The following SEPTIN2 variants were observed in gnomAD, a reference collection of about 807,000 sequenced individuals.
SEPTIN2 encodes septin-2.
SEPTIN2 carries 34 observed loss-of-function variants against 46.5 expected under a neutral mutation model. The observed-to-expected ratio is 0.73, with a 90% CI of 0.56 to 0.97. The LOEUF (loss-of-function observed/expected upper bound fraction) is 0.97, where lower values mean the gene tolerates loss of function less well. Among genes scored for constraint, SEPTIN2 ranks in the 50% least tolerant of loss-of-function variants. The pLI, the probability that SEPTIN2 is intolerant of heterozygous loss-of-function variation, is 0.00. For synonymous variants in SEPTIN2, 175 were observed against 153.4 expected (o/e 1.14, Z -1.04); for missense variants, 347 against 448.4 (o/e 0.77, Z 2.04).
At chr2:241,343,178 T>C in intron 8 of SEPTIN2, 85 bp downstream of exon 8, 1 of 789,896 alleles carries the variant, frequency 1.3e-6, no homozygotes. Context: ...CCTGGGTATG[T>C]TCAGTTACGA....
chr2:241,337,348 C>T (rs983599436), intron 5 of SEPTIN2, 34 bp from the exon 6 acceptor site: 9 of 1,600,168 alleles, frequency 5.6e-6, no homozygotes, highest in Middle Eastern at 1.7e-4. Flanking sequence ...GTTTTATACC[C>T]TATGATTATT....
chr2:241,318,422 C>A (rs533596195), intron 1 of SEPTIN2: 2 of 152,244 alleles, frequency 1.3e-5, no homozygotes, highest in African/African-American at 4.8e-5. Flanking sequence ...TTTATCCAAT[C>A]CTTTAAGAAA....
chr2:241,335,137 C>A lies in SEPTIN2; in HGVS notation c.142C>A (p.Leu48Ile). The A allele has an allele frequency of 6.2e-7, 1 of 1,610,714 alleles. No homozygotes were observed. The highest frequency in any genetic ancestry group is 8.5e-7 in the Non-Finnish European group (1 of 1,177,162). Residue 48 changes from leucine (L) to isoleucine (I), a missense_variant, in exon 4 of 13, where the codon CTA (leucine) becomes ATA (isoleucine). By Grantham distance (5) the Leu-to-Ile change is conservative. Coordinates refer to ENST00000391971, the MANE Select transcript of SEPTIN2 (RefSeq NM_004404.5). ...FTLMVVGESG[L>I]GKSTLINSLF... ...CTTTTTATTTAAAGGTGAATCAGGT[C>A]TAGGAAAATCGACTCTCATAAACAG... is the stretch of plus-strand genomic sequence containing the variant.
intron 2 of SEPTIN2, among the ~76,000 whole-genome samples, chr2:241,325,537 T>C (rs1282138185): frequency 6.6e-6 from 1 of 152,182 alleles, no homozygotes; most frequent in Admixed American, 6.5e-5. Context: ...AGAAATGCAT[T>C]GCACCTAATA....
intron 7 of SEPTIN2, among the ~76,000 whole-genome samples, chr2:241,342,624 C>T (rs1351490094): frequency 6.7e-6 from 1 of 149,722 alleles, no homozygotes; most frequent in Non-Finnish European, 1.5e-5. Flanking sequence ...CAAGCTCCGC[C>T]TCCCGGGTTC....
At chr2:241,330,229 A>G (rs2078771951) in intron 3 of SEPTIN2, among the ~76,000 whole-genome samples, 1 of 152,220 alleles carries the variant, frequency 6.6e-6, no homozygotes, top group African/African-American at 2.4e-5. Flanking sequence ...TCACCATGCC[A>G]TACAGCATGA....
intron 1 of SEPTIN2, chr2:241,317,572 C>T (rs950863606): frequency 4.1e-6 from 4 of 981,332 alleles, no homozygotes; most frequent in Admixed American, 1.3e-4. Flanking sequence ...AATGGGGACA[C>T]CAAAACTCAT....
At chr2:241,325,876 CT>C (rs1419382809) in intron 2 of SEPTIN2, 116 bp from the exon 3 acceptor site, 45 of 959,996 alleles carry the variant, frequency 4.7e-5, no homozygotes, top group Non-Finnish European at 6.1e-5. Flanking sequence ...AGTGTTTATA[CT>C]TTTTAAAAAA....
chr2:241,316,217 G>T (rs974415790), intron 1 of SEPTIN2: 2 of 338,624 alleles, frequency 5.9e-6, no homozygotes, highest in Non-Finnish European at 1.1e-5. Flanking sequence ...GGCAGGCCCG[G>T]GCGCGGGAGT....
chr2:241,335,342 CTT>C lies in SEPTIN2; in HGVS notation c.217+133_217+134del, dbSNP rs763776288. On this transcript the variant is annotated intron_variant, in intron 4 of 12. Transcript: ENST00000391971. ...TTCAGCTTTGAACACAAGGAAAACACTTTTATGGGGTAGGTGTGCTGCACCGA... is the reference window on the plus strand; with the variant it reads ...TTCAGCTTTGAACACAAGGAAAACACTTATGGGGTAGGTGTGCTGCACCGA... The C allele has an allele frequency of 1.2e-5, 18 of 1,553,040 alleles. No homozygotes were observed. The East Asian group carries it at 1.2e-4, about 11-fold the overall frequency.
chr2:241,324,703 C>T (rs1214939843), intron 2 of SEPTIN2: 1 of 193,936 alleles, frequency 5.2e-6, no homozygotes, highest in Non-Finnish European at 1.1e-5. Flanking sequence ...ATCTTAAAAG[C>T]TTGGAGCTTT....
At chr2:241,346,106 T>G in intron 9 of SEPTIN2, 60 bp from the exon 10 acceptor site, 1 of 1,280,274 alleles carries the variant, frequency 7.8e-7, no homozygotes, top group Non-Finnish European at 1.1e-6. Flanking sequence ...GGGTGGTTTT[T>G]TTTCTCATGA....
intron 12 of SEPTIN2, among the ~76,000 whole-genome samples, chr2:241,350,664 G>A (rs553573281): frequency 3.7e-4 from 57 of 152,172 alleles, no homozygotes; most frequent in Non-Finnish European, 7.4e-4. Flanking sequence ...GTAGATAAGG[G>A]TTCCCTGGAT....
chr2:241,335,078 G>T, intron 3 of SEPTIN2, 48 bp from the exon 4 acceptor site: 1 of 1,292,006 alleles, frequency 7.7e-7, no homozygotes, highest in Non-Finnish European at 1.1e-6. Context: ...CCGATTGAAT[G>T]GTGTCATATG....
intron 10 of SEPTIN2, 181 bp downstream of exon 10, chr2:241,346,430 A>G (rs1485750788): frequency 2.2e-6 from 1 of 455,200 alleles, no homozygotes; most frequent in Admixed American, 3.8e-5. Flanking sequence ...CTTTTTAAGA[A>G]AAAGTACATT....
rs1328606676 is a variant in SEPTIN2, at chr2:241,326,144, C to A, written c.130+31C>A. Reference sequence around the variant, plus strand: ...AAATTAATCTATAGTCTCCAACTTACTAAATAAATATCTCCCCTTTCCAAT... The same window carrying A: ...AAATTAATCTATAGTCTCCAACTTAATAAATAAATATCTCCCCTTTCCAAT... On this transcript the variant is annotated intron_variant, in intron 3 of 12. Coordinates refer to ENST00000391971, the MANE Select transcript of SEPTIN2 (RefSeq NM_004404.5). 1.8e-5 allele frequency: 29 copies of A among 1,587,130 alleles called. No homozygotes were observed. In the East Asian group the frequency reaches 3.2e-4, roughly 17 times the overall value.
rs367916028 is a variant in SEPTIN2, at chr2:241,326,101, C to T, written c.118C>T (p.Leu40=). The change falls in exon 3 of 13, where the codon CTG becomes TTG. Residue 40 remains leucine, a synonymous_variant. Transcript: ENST00000391971. The stretch of plus-strand genomic sequence containing the variant: ...AGTGAAAAAAGGTTTTGAGTTCACA[C>T]TGATGGTGGTCGGTAAGAAATTAAT... ...KSVKKGFEFT[L]MVVGESGLGK... 3.7e-5 allele frequency: 60 copies of T among 1,612,152 alleles called. No homozygotes were observed. The highest frequency in any genetic ancestry group is 5.0e-5 in the Non-Finnish European group (59 of 1,179,208).
At chr2:241,325,424 C>G (rs1273604207) in intron 2 of SEPTIN2, among the ~76,000 whole-genome samples, 1 of 152,102 alleles carries the variant, frequency 6.6e-6, no homozygotes, top group South Asian at 2.1e-4. Context: ...ACACTAGATA[C>G]TCAACATCCC....
intron 1 of SEPTIN2, among the ~76,000 whole-genome samples, chr2:241,321,420 T>C (rs918600312): frequency 6.6e-6 from 1 of 152,228 alleles, no homozygotes; most frequent in Admixed American, 6.5e-5. Context: ...CTGCTTATTT[T>C]TACTTTAATT....
Sources: gnomAD v4.1 joint callset for allele counts (sites outside exome capture counted in the v4.1 genomes callset) on GRCh38, gnomAD v4.1.1 for gene constraint, MANE v1.5 for transcripts, NCBI Gene and HGNC (gene_info 2026-07-23, HGNC 2026-07-21) for gene names.